PIP4P2: variants seen among roughly 807,000 people sequenced by gnomAD.
PIP4P2 encodes type 2 phosphatidylinositol 4,5-bisphosphate 4-phosphatase.
PIP4P2 carries 19 observed loss-of-function variants against 33.3 expected under a neutral mutation model. The ratio of observed to expected loss-of-function variants is 0.57; its 90% CI spans 0.40 to 0.84. The LOEUF (loss-of-function observed/expected upper bound fraction) is 0.84. Ranked by LOEUF, PIP4P2 falls within the 40% of genes least tolerant of loss-of-function variation. PIP4P2 has a pLI of 0.00. For missense variants in PIP4P2, 270 were observed against 324.7 expected (o/e 0.83, Z 1.29); for synonymous variants, 110 against 111.9 (o/e 0.98, Z 0.11).
intron 1 of PIP4P2, among the ~76,000 whole-genome samples, chr8:91,040,287 C>G (rs1202834642): frequency 1.3e-5 from 2 of 152,158 alleles, no homozygotes; most frequent in African/African-American, 4.8e-5. Flanking sequence ...GCACCACCTC[C>G]TAGCTGCGCT....
At chr8:91,019,423 A>AAAAAAT (rs1811970520) in intron 3 of PIP4P2, among the ~76,000 whole-genome samples, 1 of 61,160 alleles carries the variant, frequency 1.6e-5, no homozygotes, top group African/African-American at 3.8e-5. Flanking sequence ...AAAAAAAAAA[A>AAAAAAT]ATATATTACC....
intron 5 of PIP4P2, among the ~76,000 whole-genome samples, chr8:90,997,218 C>A (rs534929286): frequency 2.0e-5 from 3 of 151,992 alleles, no homozygotes; most frequent in Non-Finnish European, 4.4e-5. Context: ...AAAATAGTCA[C>A]TCAGTATTTT....
At position 91,001,675 on chromosome 8, in the gene PIP4P2, T is replaced by A. The variant is rs1811701756; in HGVS notation, c.540-4931A>T. On this transcript the variant is annotated intron_variant, in intron 5 of 6. Coordinates refer to ENST00000285419, the MANE Select transcript of PIP4P2 (RefSeq NM_018710.3). ...CATCTTAGGCATAGTTTTAACATACTCCATATTTAATAATTATAAATCTGA... is the reference window on the plus strand; with the variant it reads ...CATCTTAGGCATAGTTTTAACATACACCATATTTAATAATTATAAATCTGA... 2.6e-5 allele frequency among the ~76,000 whole-genome samples: 4 copies of A among 152,234 alleles called. No homozygotes were observed. In the South Asian group the frequency reaches 8.3e-4, roughly 32 times the overall value.
intron 1 of PIP4P2, chr8:91,024,503 A>G (rs1023619395): frequency 4.4e-6 from 1 of 228,190 alleles, no homozygotes; most frequent in Non-Finnish European, 9.0e-6. Context: ...AGCTCAATAC[A>G]GTCTTGAACT....
chr8:91,013,107 A>G (rs1811861590), intron 4 of PIP4P2, among the ~76,000 whole-genome samples: 1 of 152,122 alleles, frequency 6.6e-6, no homozygotes, highest in Admixed American at 6.6e-5. Context: ...GTGCTTTTTC[A>G]GGCTTGTCTC....
intron 5 of PIP4P2, among the ~76,000 whole-genome samples, chr8:91,002,411 C>T (rs143208363): frequency 2.3e-3 from 348 of 152,252 alleles, no homozygotes; most frequent in African/African-American, 8.1e-3. Flanking sequence ...ATTAATCTTT[C>T]GCTTCACAAA....
At chr8:91,000,658 C>G (rs535207576) in intron 5 of PIP4P2, among the ~76,000 whole-genome samples, 9 of 151,732 alleles carry the variant, frequency 5.9e-5, no homozygotes, top group Non-Finnish European at 8.8e-5. Flanking sequence ...GAAAATATGC[C>G]TTTTGTCTCT....
At position 90,995,561 on chromosome 8, in the gene PIP4P2, A is replaced by G. The variant is rs554510950; in HGVS notation, c.*116T>C. The G allele has an allele frequency of 7.7e-7, 1 of 1,291,166 alleles. No homozygotes were observed. The highest frequency in any genetic ancestry group is 2.7e-5 in the East Asian group (1 of 36,606). The allele number at this position is 1,291,166 out of a possible 1,614,324, so 80.0% of individuals were successfully genotyped here. On this transcript the variant is annotated 3_prime_UTR_variant, in exon 7 of 7. Transcript: ENST00000285419. ...CATAAAAGACTCCCAAAGTCTTGAA[A>G]CGATTATACATAAACCAGAATGGAA... is the stretch of plus-strand genomic sequence containing the variant.
chr8:90,997,083 T>G (rs1261981767), intron 5 of PIP4P2, among the ~76,000 whole-genome samples: 1 of 152,048 alleles, frequency 6.6e-6, no homozygotes, highest in African/African-American at 2.4e-5. Context: ...ATCTTACAAA[T>G]AGCATTTGAT....
chr8:91,030,190 G>C (rs1272019603), intron 1 of PIP4P2, among the ~76,000 whole-genome samples: 1 of 149,636 alleles, frequency 6.7e-6, no homozygotes, highest in African/African-American at 2.5e-5. Context: ...CAACAGACTG[G>C]GCGACAGAGC....
intron 4 of PIP4P2, among the ~76,000 whole-genome samples, chr8:91,012,175 G>A (rs1277315154): frequency 6.6e-6 from 1 of 151,784 alleles, no homozygotes; most frequent in Non-Finnish European, 1.5e-5. Context: ...AACTGTATTA[G>A]ACTAAATATT....
At chr8:90,996,815 T>C in intron 5 of PIP4P2, 71 bp from the exon 6 acceptor site, 2 of 1,214,888 alleles carry the variant, frequency 1.6e-6, no homozygotes, top group Non-Finnish European at 2.3e-6. Context: ...TTTTTGTGAG[T>C]TCTTATCTAT....
chr8:91,040,847 T>C lies in PIP4P2; in HGVS notation c.-98A>G, dbSNP rs1449872307. ...CTGCCTCTGCTGCCGCTGCTGCCGC[T>C]GCAGCTGCTGCTGCTGCCGCCTCCG... is the stretch of plus-strand genomic sequence containing the variant. On this transcript the variant is annotated 5_prime_UTR_variant, in exon 1 of 7. Transcript: ENST00000285419. The C allele has an allele frequency of 6.0e-6, 6 of 994,362 alleles. No homozygotes were observed. In the African/African-American group the frequency reaches 8.3e-5, roughly 14 times the overall value. The allele number at this position is 994,362 out of a possible 1,614,324, so 61.6% of individuals were successfully genotyped here.
At chr8:91,029,120 G>A (rs1203547918) in intron 1 of PIP4P2, among the ~76,000 whole-genome samples, 5 of 151,756 alleles carry the variant, frequency 3.3e-5, no homozygotes, top group Admixed American at 6.6e-5. Flanking sequence ...ATGAAACCCC[G>A]TCTCTATTAA....
intron 1 of PIP4P2, among the ~76,000 whole-genome samples, chr8:91,033,185 T>C (rs1586187244): frequency 6.6e-6 from 1 of 152,208 alleles, no homozygotes; most frequent in Non-Finnish European, 1.5e-5. Flanking sequence ...TTCTCAGACC[T>C]CAGATTTGTA....
intron 1 of PIP4P2, among the ~76,000 whole-genome samples, chr8:91,032,684 G>C (rs896774353): frequency 1.3e-5 from 2 of 151,590 alleles, no homozygotes; most frequent in South Asian, 2.1e-4. Context: ...GGGAGGCTGA[G>C]GAAGGAGAAT....
At chr8:91,023,899 G>A (rs1286287059) in intron 1 of PIP4P2, among the ~76,000 whole-genome samples, 1 of 151,764 alleles carries the variant, frequency 6.6e-6, no homozygotes, top group Non-Finnish European at 1.5e-5. Flanking sequence ...AAGTAACTGC[G>A]GTTTTTGCTA....
At chr8:91,020,792 TAATAA>T (rs1554582849) in intron 2 of PIP4P2, among the ~76,000 whole-genome samples, 1 of 152,140 alleles carries the variant, frequency 6.6e-6, no homozygotes, top group Non-Finnish European at 1.5e-5. Flanking sequence ...CAGATGCTAA[TAATAA>T]ATGCATAATC....
At chr8:90,997,770 C>G (rs1343308743) in intron 5 of PIP4P2, among the ~76,000 whole-genome samples, 2 of 152,042 alleles carry the variant, frequency 1.3e-5, no homozygotes, top group Admixed American at 6.6e-5. Flanking sequence ...ACATAATAAC[C>G]TCTCAAAGAA....
Sources: gnomAD v4.1 joint callset for allele counts (sites outside exome capture counted in the v4.1 genomes callset) on GRCh38, gnomAD v4.1.1 for gene constraint, MANE v1.5 for transcripts, NCBI Gene and HGNC (gene_info 2026-07-23, HGNC 2026-07-21) for gene names.